Variants in TMOD3 observed in about 807,000 individuals in gnomAD.
TMOD3 encodes the protein tropomodulin-3.
In TMOD3, 20 loss-of-function variants were observed where a neutral mutation model predicts 39.2. That is an observed-to-expected ratio of 0.51 (90% CI 0.36 to 0.74). TMOD3 has a LOEUF of 0.74. TMOD3 is among the 30% of genes least tolerant of loss of function. The pLI, the probability that TMOD3 is intolerant of heterozygous loss-of-function variation, is 0.00. For synonymous variants in TMOD3, 143 were observed against 145.8 expected (o/e 0.98, Z 0.14); for missense variants, 381 against 412.8 (o/e 0.92, Z 0.67).
chr15:51,862,567 A>G (rs1193304375), intron 1 of TMOD3, among the ~76,000 whole-genome samples: 2 of 152,204 alleles, frequency 1.3e-5, no homozygotes, highest in African/African-American at 4.8e-5. Flanking sequence ...TCTAAATTCT[A>G]TCAAGTGGCT....
intron 1 of TMOD3, among the ~76,000 whole-genome samples, chr15:51,853,645 T>C (rs78158412): frequency 6.6e-6 from 1 of 152,244 alleles, no homozygotes; most frequent in African/African-American, 2.4e-5. Context: ...GATGTATATA[T>C]AAAGATAATA....
chr15:51,865,257 A>C (rs2056439637), intron 2 of TMOD3, among the ~76,000 whole-genome samples: 1 of 152,202 alleles, frequency 6.6e-6, no homozygotes, highest in Non-Finnish European at 1.5e-5. Flanking sequence ...GTCTCCAGGC[A>C]TTGTCAAATG....
At chr15:51,875,515 T>A (rs1349437956) in intron 3 of TMOD3, among the ~76,000 whole-genome samples, 1 of 152,124 alleles carries the variant, frequency 6.6e-6, no homozygotes, top group African/African-American at 2.4e-5. Flanking sequence ...TGTTAACCGG[T>A]TTCATGGGGA....
intron 3 of TMOD3, among the ~76,000 whole-genome samples, chr15:51,879,205 A>G (rs764885808): frequency 1.3e-5 from 2 of 152,166 alleles, no homozygotes; most frequent in African/African-American, 2.4e-5. Flanking sequence ...TCTTATCTCA[A>G]TGTCTTCCAT....
intron 1 of TMOD3, among the ~76,000 whole-genome samples, chr15:51,861,475 A>G (rs927165664): frequency 6.6e-6 from 1 of 152,162 alleles, no homozygotes; most frequent in Non-Finnish European, 1.5e-5. Flanking sequence ...AAACACATCA[A>G]AGGAGCCTTA....
Position 51,909,475 on chromosome 15 carries a change from T to TTATTTAAAAGTATA in TMOD3, c.*666_*679dup, listed in dbSNP as rs1375770774. ...CATCAGCTTTGCCAGGTTACATACTTTATTTAAAAGTATAGTGAGGTCGAA... is the reference window on the plus strand; with the variant it reads ...CATCAGCTTTGCCAGGTTACATACTTTATTTAAAAGTATATATTTAAAAGTATAGTGAGGTCGAA... On this transcript the variant is annotated 3_prime_UTR_variant, in exon 10 of 10. Coordinates refer to ENST00000308580, the MANE Select transcript of TMOD3 (RefSeq NM_014547.5). The TTATTTAAAAGTATA allele has an allele frequency of 6.6e-6, 1 of 152,622 alleles. No homozygotes were observed. The highest frequency in any genetic ancestry group is 1.5e-5 in the Non-Finnish European group (1 of 68,032). 9.5% of individuals were successfully genotyped at this position (152,622 alleles called of 1,614,324 possible). A position where few individuals can be genotyped will look rare whatever the true frequency, so the allele number is the denominator to read the frequency against.
chr15:51,894,116 G>A (rs988173876), intron 6 of TMOD3, among the ~76,000 whole-genome samples, 171 bp downstream of exon 6: 5 of 152,148 alleles, frequency 3.3e-5, no homozygotes, highest in African/African-American at 9.7e-5. Flanking sequence ...AAGTATTATG[G>A]TATAGTATTT....
chr15:51,888,058 G>A (rs926149396), intron 4 of TMOD3, among the ~76,000 whole-genome samples: 1 of 152,110 alleles, frequency 6.6e-6, no homozygotes, highest in East Asian at 1.9e-4. Flanking sequence ...AGGGTCAACC[G>A]CTGACCTACT....
Position 51,835,720 on chromosome 15 carries a change from G to A in TMOD3, c.-75+5884G>A, listed in dbSNP as rs548275916. Among the ~76,000 whole-genome samples, 20 of 152,192 alleles carry A rather than the reference G, an allele frequency of 1.3e-4. No homozygotes were observed. The East Asian group carries it at 3.9e-3, about 29-fold the overall frequency. Reference sequence around the variant, plus strand: ...CAGTTTGGTTATTTTTTTCTTCTAAGTTTATTTGCTGATAATACACTAAGT... The same window carrying A: ...CAGTTTGGTTATTTTTTTCTTCTAAATTTATTTGCTGATAATACACTAAGT... On this transcript the variant is annotated intron_variant, in intron 1 of 9. Coordinates refer to ENST00000308580, the MANE Select transcript of TMOD3 (RefSeq NM_014547.5).
At chr15:51,844,012 T>A (rs1189656620) in intron 1 of TMOD3, among the ~76,000 whole-genome samples, 2 of 152,094 alleles carry the variant, frequency 1.3e-5, no homozygotes, top group Non-Finnish European at 2.9e-5. Flanking sequence ...CATGCATAAT[T>A]CTAAAGTCAG....
intron 1 of TMOD3, among the ~76,000 whole-genome samples, chr15:51,838,422 C>G (rs557507672): frequency 6.6e-6 from 1 of 152,266 alleles, no homozygotes; most frequent in South Asian, 2.1e-4. Context: ...CCCACTTAAG[C>G]TATCTTGCTA....
chr15:51,890,236 T>G (rs2056585468), intron 5 of TMOD3, among the ~76,000 whole-genome samples: 1 of 151,712 alleles, frequency 6.6e-6, no homozygotes, highest in Non-Finnish European at 1.5e-5. Flanking sequence ...TGGTACCATC[T>G]TGGCTTACTG....
At chr15:51,869,497 G>C (rs2056464449) in intron 3 of TMOD3, 124 bp downstream of exon 3, 1 of 882,632 alleles carries the variant, frequency 1.1e-6, no homozygotes, top group Admixed American at 3.0e-5. Flanking sequence ...TGATACTGTT[G>C]ACTTAGACAT....
In TMOD3 at chr15:51,859,859, T is replaced by C. The variant is rs776690773; in HGVS notation, c.-74-2952T>C. On this transcript the variant is annotated intron_variant, in intron 1 of 9. Transcript: ENST00000308580. The stretch of plus-strand genomic sequence containing the variant: ...TGGCACAGCAACAACTCAAGTCAAC[T>C]GCTTGTATTGGAATTCTGGCAGAAG... 1.1e-5 allele frequency: 6 copies of C among 528,200 alleles called. No individual in the cohort carries two copies. The Admixed American group carries it at 1.2e-4, about 10-fold the overall frequency. The allele number at this position is 528,200 out of a possible 1,614,324, so 32.7% of individuals were successfully genotyped here.
chr15:51,887,491 T>C, intron 3 of TMOD3, 98 bp from the exon 4 acceptor site: 1 of 1,238,444 alleles, frequency 8.1e-7, no homozygotes, highest in East Asian at 2.6e-5. Flanking sequence ...GTTAATCTTT[T>C]CCTTCAGGTT....
chr15:51,888,034 G>A (rs969046659), intron 4 of TMOD3, among the ~76,000 whole-genome samples: 2 of 152,210 alleles, frequency 1.3e-5, no homozygotes, highest in African/African-American at 4.8e-5. Context: ...TCTGAACACC[G>A]AAAAAGAGTC....
intron 2 of TMOD3, among the ~76,000 whole-genome samples, chr15:51,864,915 C>G (rs150894095): frequency 2.6e-5 from 4 of 152,222 alleles, no homozygotes; most frequent in African/African-American, 9.6e-5. Context: ...CTAGCCAGCC[C>G]TGGAAGGAGT....
intron 1 of TMOD3, among the ~76,000 whole-genome samples, chr15:51,856,119 T>A (rs1246236108): frequency 3.9e-5 from 6 of 152,066 alleles, no homozygotes; most frequent in African/African-American, 1.2e-4. Context: ...AAAAATTAGT[T>A]GGGTGTGGTG....
intron 1 of TMOD3, among the ~76,000 whole-genome samples, chr15:51,836,291 A>G (rs148844685): frequency 6.6e-6 from 1 of 152,182 alleles, no homozygotes; most frequent in East Asian, 1.9e-4. Flanking sequence ...GTTACTACCT[A>G]ATTCCTCCCA....
Sources: allele counts gnomAD v4.1 joint callset (sites outside exome capture counted in the v4.1 genomes callset), GRCh38; gene constraint gnomAD v4.1.1; transcripts MANE v1.5; gene names NCBI Gene and HGNC (gene_info 2026-07-23, HGNC 2026-07-21).